The following NECAB2 variants were observed in gnomAD, a reference collection of about 807,000 sequenced individuals.
The protein encoded by NECAB2 is N-terminal EF-hand calcium binding protein 2.
In NECAB2, 68 loss-of-function variants were observed where a neutral mutation model predicts 51.9. The observed-to-expected ratio is 1.31, with a 90% confidence interval of 1.08 to 1.60. The LOEUF (loss-of-function observed/expected upper bound fraction) is 1.60. Among genes scored for constraint, NECAB2 ranks in the 40% most tolerant of loss-of-function variants. The probability of loss-of-function intolerance (pLI) is 0.00; values close to 1 mark genes in which losing one functional copy is unlikely to be tolerated. For synonymous variants in NECAB2, 329 were observed against 203.5 expected (o/e 1.62, Z -5.25); for missense variants, 854 against 490.3 (o/e 1.74, Z -7.00).
At chr16:83,988,742 G>A (rs2084585826) in intron 5 of NECAB2, among the ~76,000 whole-genome samples, 1 of 152,184 alleles carries the variant, frequency 6.6e-6, no homozygotes, top group Non-Finnish European at 1.5e-5. Context: ...CTACAAATGA[G>A]TAACTTGTCC....
chr16:83,980,226 C>A (rs1050976700), intron 3 of NECAB2, among the ~76,000 whole-genome samples: 1 of 152,344 alleles, frequency 6.6e-6, no homozygotes, highest in South Asian at 2.1e-4. Flanking sequence ...CTTATCAAAT[C>A]TGCTCCTAAG....
At chr16:83,975,999 CCT>C in intron 2 of NECAB2, among the ~76,000 whole-genome samples, 1 of 152,124 alleles carries the variant, frequency 6.6e-6, no homozygotes, top group Middle Eastern at 3.4e-3. Flanking sequence ...ACCTTGCTGG[CCT>C]CTGTCTGCCT....
At chr16:83,996,038 C>G (rs1280109474) in intron 8 of NECAB2, among the ~76,000 whole-genome samples, 3 of 152,238 alleles carry the variant, frequency 2.0e-5, no homozygotes, top group African/African-American at 7.2e-5. Context: ...CAGCCTCTAA[C>G]TGGCCCGGGC....
At chr16:83,985,934 G>A (rs994870605) in intron 5 of NECAB2, among the ~76,000 whole-genome samples, 3 of 152,150 alleles carry the variant, frequency 2.0e-5, no homozygotes, top group Non-Finnish European at 2.9e-5. Context: ...TATGAAATAC[G>A]TGCTGCTAAG....
At chr16:83,971,989 C>G (rs533603920) in intron 1 of NECAB2, 162 bp from the exon 2 acceptor site, 2 of 954,134 alleles carry the variant, frequency 2.1e-6, no homozygotes, top group African/African-American at 1.6e-5. Flanking sequence ...TCAGTTCCCC[C>G]TGGATCCCAG....
intron 5 of NECAB2, among the ~76,000 whole-genome samples, chr16:83,984,860 C>T (rs2084532991): frequency 6.6e-6 from 1 of 152,228 alleles, no homozygotes; most frequent in Non-Finnish European, 1.5e-5. Flanking sequence ...AAGCTCCTGG[C>T]ACATTTATTT....
chr16:83,986,494 CCAGA>C (rs1429228294), intron 5 of NECAB2, among the ~76,000 whole-genome samples: 1 of 152,034 alleles, frequency 6.6e-6, no homozygotes, highest in Non-Finnish European at 1.5e-5. Context: ...GTGGAGAGTG[CCAGA>C]CAAACTTCCT....
intron 8 of NECAB2, among the ~76,000 whole-genome samples, chr16:83,996,137 C>T (rs1311358683): frequency 1.3e-5 from 2 of 152,186 alleles, no homozygotes; most frequent in Non-Finnish European, 2.9e-5. Context: ...GATGGAGGCT[C>T]TAGGGGCCCC....
At chr16:83,966,582 C>T (rs1021395567), upstream of NECAB2, among the ~76,000 whole-genome samples, 12 of 151,850 alleles carry the variant, frequency 7.9e-5, no homozygotes, top group South Asian at 6.3e-4. Context: ...TCCAGGAGGG[C>T]GCTGCAGCCC....
intron 10 of NECAB2, among the ~76,000 whole-genome samples, chr16:83,998,599 C>T (rs1033299457): frequency 1.3e-5 from 2 of 152,176 alleles, no homozygotes; most frequent in Non-Finnish European, 2.9e-5. Flanking sequence ...CATATACAAT[C>T]AAGTGTGTGA....
At position 83,980,748 on chromosome 16, in the gene NECAB2, G is replaced by C. The variant is rs1443593023; in HGVS notation, c.336-91G>C. On this transcript the variant is annotated intron_variant, in intron 3 of 12. Transcript: ENST00000305202. ...GCCAGCACACAGGCTGCAAAGAGCA[G>C]GCAGGATGTGTGTTTCGCAGGCTGT... 6 of 1,481,748 alleles carry C rather than the reference G, an allele frequency of 4.0e-6. No individual in the cohort carries two copies. The African/African-American group carries it at 4.2e-5, about 10-fold the overall frequency. The allele number at this position is 1,481,748 out of a possible 1,614,324, so 91.8% of individuals were successfully genotyped here.
intron 11 of NECAB2, 48 bp downstream of exon 11, chr16:84,000,849 G>T: frequency 6.3e-7 from 1 of 1,585,142 alleles, no homozygotes; most frequent in East Asian, 2.2e-5. Context: ...GAGGGAAGTG[G>T]GGGGGCTGTC....
intron 8 of NECAB2, among the ~76,000 whole-genome samples, chr16:83,995,632 G>C (rs1322195224): frequency 2.6e-5 from 4 of 152,170 alleles, no homozygotes; most frequent in Non-Finnish European, 4.4e-5. Context: ...GTGGTTTTAT[G>C]TTTCTCCTAC....
chr16:83,994,292 C>G lies in NECAB2; in HGVS notation c.597-10C>G. The stretch of plus-strand genomic sequence containing the variant: ...GCCATGGTCTGTGTGTGTTCCCATC[C>G]AAACTGCAGACAGAACCACATCAAA... On this transcript the variant is annotated splice_polypyrimidine_tract_variant and intron_variant, in intron 6 of 12. Transcript: ENST00000305202. 6.2e-7 allele frequency: 1 copy of G among 1,613,866 alleles called. No homozygotes were observed. Among genetic ancestry groups the G allele is most frequent in the Non-Finnish European group, 8.5e-7 (1 of 1,179,718 alleles).
intron 1 of NECAB2, 78 bp from the exon 2 acceptor site, chr16:83,972,072 TC>T (rs1441981453): frequency 6.3e-7 from 1 of 1,584,552 alleles, no homozygotes; most frequent in Non-Finnish European, 8.6e-7. Context: ...AAGAGAAGGA[TC>T]CCAGTATCCG....
intron 5 of NECAB2, among the ~76,000 whole-genome samples, chr16:83,984,274 C>G (rs939276157): frequency 1.3e-5 from 2 of 151,728 alleles, no homozygotes; most frequent in African/African-American, 4.8e-5. Flanking sequence ...GGATTACAGG[C>G]GTGAGCCACC....
At position 84,002,708 on chromosome 16, in the gene NECAB2, C is replaced by A; in HGVS notation, c.*362C>A. ...CTTCTACCTAGTAGGAGTCATGCCC[C>A]TGTAGTGCCCAACCTAGCCAGGTAG... On this transcript the variant is annotated 3_prime_UTR_variant, in exon 13 of 13. Coordinates refer to ENST00000305202, the MANE Select transcript of NECAB2 (RefSeq NM_019065.3). The A allele has an allele frequency of 3.3e-6, 1 of 299,496 alleles. No individual in the cohort carries two copies. Among genetic ancestry groups the A allele is most frequent in the Non-Finnish European group, 6.4e-6 (1 of 156,956 alleles). 18.6% of individuals were successfully genotyped at this position (299,496 alleles called of 1,614,324 possible).
chr16:83,969,507 C>T (rs2151082993), intron 1 of NECAB2, among the ~76,000 whole-genome samples: 1 of 152,092 alleles, frequency 6.6e-6, no homozygotes, highest in East Asian at 1.9e-4. Context: ...TCCTCTGTTC[C>T]CTTCCCCACA....
chr16:83,972,128 G>A (rs2084356275), intron 1 of NECAB2, 23 bp from the exon 2 acceptor site: 1 of 1,613,008 alleles, frequency 6.2e-7, no homozygotes, highest in Non-Finnish European at 8.5e-7. Context: ...GCCCAGGGCT[G>A]ACTCCGCCTC....
Sources: allele counts gnomAD v4.1 joint callset (sites outside exome capture counted in the v4.1 genomes callset), GRCh38; gene constraint gnomAD v4.1.1; transcripts MANE v1.5; gene names NCBI Gene and HGNC (gene_info 2026-07-23, HGNC 2026-07-21).